The following NKAIN3 variants were observed in gnomAD, a reference collection of about 807,000 sequenced individuals.
The protein encoded by NKAIN3 is sodium/potassium transporting ATPase interacting 3.
In NKAIN3, 25 loss-of-function variants were observed where a neutral mutation model predicts 30.2. That is an observed-to-expected ratio of 0.83 (90% confidence interval 0.60 to 1.16). The LOEUF is 1.16. NKAIN3 is among the 50% of genes most tolerant of loss of function. The pLI is 0.00. For missense variants in NKAIN3, 225 were observed against 254.1 expected (o/e 0.89, Z 0.78); for synonymous variants, 91 against 89.6 (o/e 1.02, Z -0.09).
intron 4 of NKAIN3, among the ~76,000 whole-genome samples, chr8:62,759,547 A>G (rs1351271900): frequency 3.9e-5 from 6 of 152,216 alleles, no homozygotes; most frequent in African/African-American, 1.4e-4. Context: ...GACTTATCAG[A>G]CGGACATCAA....
At chr8:62,422,843 G>A (rs1328711745) in intron 1 of NKAIN3, among the ~76,000 whole-genome samples, 1 of 152,070 alleles carries the variant, frequency 6.6e-6, no homozygotes, top group Non-Finnish European at 1.5e-5. Context: ...CTAAACAATG[G>A]AAATAGAATA....
intron 1 of NKAIN3, among the ~76,000 whole-genome samples, chr8:62,415,479 A>G (rs1585783539): frequency 1.3e-5 from 2 of 149,814 alleles, no homozygotes; most frequent in African/African-American, 4.9e-5. Context: ...TTGGCTTGCC[A>G]TATTTTTATT....
intron 4 of NKAIN3, among the ~76,000 whole-genome samples, chr8:62,903,293 C>G (rs1327053904): frequency 6.6e-6 from 1 of 152,186 alleles, no homozygotes; most frequent in African/African-American, 2.4e-5. Flanking sequence ...GCATAAGACA[C>G]TTCCATAGAA....
chr8:62,669,488 A>G (rs1429734476), intron 3 of NKAIN3, among the ~76,000 whole-genome samples: 1 of 152,152 alleles, frequency 6.6e-6, no homozygotes, highest in African/African-American at 2.4e-5. Context: ...TAAAAATGAC[A>G]CATCTTCTAA....
intron 1 of NKAIN3, among the ~76,000 whole-genome samples, chr8:62,340,836 G>A (rs566658438): frequency 2.0e-5 from 3 of 152,000 alleles, no homozygotes; most frequent in South Asian, 2.1e-4. Context: ...CGGAGGCAAG[G>A]TTGAGGCATT....
At chr8:62,794,025 G>C (rs1354139847) in intron 4 of NKAIN3, among the ~76,000 whole-genome samples, 2 of 152,232 alleles carry the variant, frequency 1.3e-5, no homozygotes, top group East Asian at 3.9e-4. Flanking sequence ...GGATGTGCTT[G>C]AACATCTGCT....
intron 1 of NKAIN3, among the ~76,000 whole-genome samples, chr8:62,273,686 GA>G (rs1812841917): frequency 6.6e-6 from 1 of 152,148 alleles, no homozygotes; most frequent in African/African-American, 2.4e-5. Flanking sequence ...AGGCTTTTAG[GA>G]AATCATCTGT....
chr8:62,762,709 A>G (rs914143655), intron 4 of NKAIN3, among the ~76,000 whole-genome samples: 2 of 152,160 alleles, frequency 1.3e-5, no homozygotes, highest in Non-Finnish European at 2.9e-5. Flanking sequence ...TTGCAGGAAA[A>G]GAGGAAGTGG....
chr8:62,943,441 G>T (rs1389065237), intron 5 of NKAIN3, among the ~76,000 whole-genome samples: 1 of 152,112 alleles, frequency 6.6e-6, no homozygotes, highest in African/African-American at 2.4e-5. Flanking sequence ...ACTGCTGGTG[G>T]AAATGTAAAC....
intron 3 of NKAIN3, among the ~76,000 whole-genome samples, chr8:62,681,372 G>A (rs932982288): frequency 5.3e-5 from 8 of 152,136 alleles, no homozygotes; most frequent in African/African-American, 1.9e-4. Context: ...CATGGATTTA[G>A]TCTACCTTTG....
chr8:62,878,357 A>G (rs1009445329), intron 4 of NKAIN3, among the ~76,000 whole-genome samples: 5 of 152,152 alleles, frequency 3.3e-5, no homozygotes, highest in Non-Finnish European at 2.9e-5. Flanking sequence ...AAACATAAGT[A>G]TGTAATTTTG....
chr8:62,932,060 T>C (rs369387085), intron 5 of NKAIN3, among the ~76,000 whole-genome samples: 1 of 152,240 alleles, frequency 6.6e-6, no homozygotes, highest in African/African-American at 2.4e-5. Context: ...TATTATTGTT[T>C]AATTTTAGAC....
chr8:62,825,497 C>G (rs1310528021), intron 4 of NKAIN3, among the ~76,000 whole-genome samples: 1 of 152,162 alleles, frequency 6.6e-6, no homozygotes, highest in Non-Finnish European at 1.5e-5. Flanking sequence ...TTTAGATAAA[C>G]TACTGGCTTG....
chr8:62,598,093 T>C lies in NKAIN3; in HGVS notation c.273+8299T>C, dbSNP rs878926714. On this transcript the variant is annotated intron_variant, in intron 3 of 6. Transcript: ENST00000623646. The stretch of plus-strand genomic sequence containing the variant: ...ACAAAAATTATTTTTTCAGTTTCCT[T>C]ACTCCTTAGTTTAGCAAGGTACAAG... Among the ~76,000 whole-genome samples the C allele has an allele frequency of 2.6e-5, 4 of 152,148 alleles. 1 individual carries two copies. The highest frequency in any genetic ancestry group is 2.6e-4 in the Admixed American group (4 of 15,250).
intron 1 of NKAIN3, among the ~76,000 whole-genome samples, chr8:62,367,902 C>A (rs1479623856): frequency 6.6e-6 from 1 of 151,926 alleles, no homozygotes. Context: ...AGTCAGCATA[C>A]AAAAGTCAGT....
chr8:62,591,387 CAAT>C (rs926944140), intron 3 of NKAIN3, among the ~76,000 whole-genome samples: 1 of 151,758 alleles, frequency 6.6e-6, no homozygotes, highest in African/African-American at 2.4e-5. Context: ...CCAGATTTTC[CAAT>C]AATAATAGTA....
chr8:62,673,442 C>T (rs1436901199), intron 3 of NKAIN3, among the ~76,000 whole-genome samples: 1 of 152,006 alleles, frequency 6.6e-6, no homozygotes, highest in East Asian at 1.9e-4. Flanking sequence ...TATGACTTGC[C>T]ACACATGAAA....
chr8:62,759,737 C>CAATG (rs1554575042), intron 4 of NKAIN3, among the ~76,000 whole-genome samples: 2 of 146,700 alleles, frequency 1.4e-5, no homozygotes, highest in Non-Finnish European at 1.5e-5. Context: ...AACACCAAAG[C>CAATG]AATGGCAACA....
At chr8:62,671,012 C>T (rs1813284977) in intron 3 of NKAIN3, among the ~76,000 whole-genome samples, 1 of 151,992 alleles carries the variant, frequency 6.6e-6, no homozygotes, top group South Asian at 2.1e-4. Flanking sequence ...AGTGGCATGA[C>T]AGATGTTTTT....
Sources: gnomAD v4.1 joint callset for allele counts (sites outside exome capture counted in the v4.1 genomes callset) on GRCh38, gnomAD v4.1.1 for gene constraint, MANE v1.5 for transcripts, NCBI Gene and HGNC (gene_info 2026-07-23, HGNC 2026-07-21) for gene names.